SESTD1: variants seen among roughly 807,000 people sequenced by gnomAD.
SESTD1 encodes the protein SEC14 and spectrin domain containing 1, also known as SEC14 domain and spectrin repeat-containing protein 1.
Under a neutral mutation model 101.7 loss-of-function variants are expected in SESTD1, and 43 were observed. The ratio of observed to expected loss-of-function variants is 0.42; its 90% CI spans 0.33 to 0.55. The LOEUF (loss-of-function observed/expected upper bound fraction) is 0.55. Among genes scored for constraint, SESTD1 ranks in the 20% least tolerant of loss-of-function variants. The pLI is 0.07. For synonymous variants in SESTD1, 283 were observed against 286.8 expected (o/e 0.99, Z 0.13); for missense variants, 647 against 815.1 (o/e 0.79, Z 2.51).
rs1367979416 is a variant in SESTD1 at position 179,213,239 on chromosome 2, T to C, written c.-25-21373A>G. On this transcript the variant is annotated intron_variant, in intron 1 of 17. Transcript: ENST00000428443. ...ATGTTCTAACCCATCGCAAGGAAGCTAAAATTCTTGAAAAAACGTTAGACA... is the reference window on the plus strand; with the variant it reads ...ATGTTCTAACCCATCGCAAGGAAGCCAAAATTCTTGAAAAAACGTTAGACA... Among the ~76,000 whole-genome samples the C allele has an allele frequency of 5.2e-5, 7 of 134,520 alleles. 3 individuals carry two copies. The highest frequency in any genetic ancestry group is 2.1e-4 in the African/African-American group (7 of 33,910). 88.3% of individuals were successfully genotyped at this position (134,520 alleles called of 152,430 possible).
At chr2:179,155,241 G>T (rs763014776) in intron 5 of SESTD1, among the ~76,000 whole-genome samples, 5 of 151,972 alleles carry the variant, frequency 3.3e-5, no homozygotes, top group Non-Finnish European at 7.4e-5. Context: ...GGGATCCACA[G>T]AAAGGCTTTC....
At chr2:179,236,528 T>C (rs1455331352) in intron 1 of SESTD1, among the ~76,000 whole-genome samples, 1 of 151,894 alleles carries the variant, frequency 6.6e-6, no homozygotes, top group Non-Finnish European at 1.5e-5. Flanking sequence ...TATATGTACA[T>C]ATACATACAC....
In SESTD1 at chr2:179,183,094, T is replaced by C; in HGVS notation, c.150A>G (p.Leu50=). Residue 50 remains leucine (L), a synonymous_variant, in exon 3 of 18, where the codon CTA becomes CTG. Coordinates refer to ENST00000428443, the MANE Select transcript of SESTD1 (RefSeq NM_178123.5). ...TTTAGAGTCACCTTGGAATGCTGAGTAGGTAGTCTAAGGTGACACTCAGCT... is the reference window on the plus strand; with the variant it reads ...TTTAGAGTCACCTTGGAATGCTGAGCAGGTAGTCTAAGGTGACACTCAGCT... The part of the protein sequence containing the change: ...MDELSVTLDY[L]LSIPSEKCKA... 1 of 1,606,552 alleles carries C rather than the reference T, an allele frequency of 6.2e-7. No individual in the cohort carries two copies. Among genetic ancestry groups the C allele is most frequent in the Non-Finnish European group, 8.5e-7 (1 of 1,176,436 alleles).
At chr2:179,157,337 C>T (rs113603559) in intron 5 of SESTD1, among the ~76,000 whole-genome samples, 8,458 of 152,048 alleles carry the variant, frequency 0.056, 301 homozygotes, top group South Asian at 0.09. Flanking sequence ...CACCAAAATA[C>T]CATCATTCTT....
intron 3 of SESTD1, among the ~76,000 whole-genome samples, chr2:179,177,293 ATT>A (rs2046028609): frequency 6.6e-6 from 1 of 152,166 alleles, no homozygotes; most frequent in African/African-American, 2.4e-5. Flanking sequence ...TATCATTATC[ATT>A]GTTATTATTA....
At position 179,112,789 on chromosome 2, in the gene SESTD1, A is replaced by C; in HGVS notation, c.1896T>G (p.Asp632Glu). 1 of 1,613,340 alleles carries C rather than the reference A, an allele frequency of 6.2e-7. No individual in the cohort carries two copies. The highest frequency in any genetic ancestry group is 8.5e-7 in the Non-Finnish European group (1 of 1,179,990). ...GTGATTTCCCAACTGCTTCAATTTCATCAAATTGCTCCTCATCATTAATAG... is the reference window on the plus strand; with the variant it reads ...GTGATTTCCCAACTGCTTCAATTTCCTCAAATTGCTCCTCATCATTAATAG... Reference protein sequence around the residue: ...PEAINDEEQFDEIEAVGKSLL... With the variant: ...PEAINDEEQFEEIEAVGKSLL... Residue 632 changes from aspartate to glutamate, a missense_variant, in exon 17 of 18, where the codon GAT (aspartate) becomes GAG (glutamate). By Grantham distance (45) the Asp-to-Glu change is conservative (BLOSUM62 2). This residue lies in a region of SESTD1 where 476 missense variants were observed against 562.6 expected (regional missense o/e 0.85). Coordinates refer to ENST00000428443, the MANE Select transcript of SESTD1 (RefSeq NM_178123.5).
chr2:179,259,848 T>C (rs2047457489), intron 1 of SESTD1, among the ~76,000 whole-genome samples: 1 of 152,224 alleles, frequency 6.6e-6, no homozygotes, highest in Admixed American at 6.5e-5. Context: ...TTGTCCACAG[T>C]CACAAGGCTA....
At chr2:179,153,793 T>A (rs1271160813) in intron 5 of SESTD1, among the ~76,000 whole-genome samples, 2 of 152,116 alleles carry the variant, frequency 1.3e-5, no homozygotes, top group African/African-American at 4.8e-5. Flanking sequence ...CGAAAGGACA[T>A]GAAAAGGCTT....
At chr2:179,173,775 G>T (rs910294434) in intron 4 of SESTD1, among the ~76,000 whole-genome samples, 10 of 152,078 alleles carry the variant, frequency 6.6e-5, no homozygotes, top group African/African-American at 2.4e-4. Context: ...ACTCGGTTCT[G>T]TCAGGATAGT....
At chr2:179,169,620 G>A (rs570317907) in intron 5 of SESTD1, among the ~76,000 whole-genome samples, 4 of 152,048 alleles carry the variant, frequency 2.6e-5, no homozygotes, top group African/African-American at 9.7e-5. Flanking sequence ...TCCAACAACA[G>A]AATACTTATT....
rs1388034812 is a variant in SESTD1 at position 179,103,987 on chromosome 2, T to C, written c.*5912A>G. On this transcript the variant is annotated 3_prime_UTR_variant, in exon 18 of 18. Coordinates refer to ENST00000428443, the MANE Select transcript of SESTD1 (RefSeq NM_178123.5). ...TATGTGACAAAGCAAGCATAGGTAA[T>C]GCTAATTAGCATCTAGGTAGTGAGT... 1 of 152,192 alleles carries C rather than the reference T, an allele frequency of 6.6e-6. No individual in the cohort carries two copies. Among genetic ancestry groups the C allele is most frequent in the Non-Finnish European group, 1.5e-5 (1 of 68,008 alleles). 9.4% of individuals were successfully genotyped at this position (152,192 alleles called of 1,614,324 possible).
intron 12 of SESTD1, among the ~76,000 whole-genome samples, chr2:179,123,012 T>C (rs1321403593): frequency 1.3e-5 from 2 of 152,224 alleles, no homozygotes; most frequent in African/African-American, 2.4e-5. Flanking sequence ...GCAACCACTT[T>C]TTACTAGTTC....
intron 1 of SESTD1, among the ~76,000 whole-genome samples, chr2:179,228,817 A>G (rs2046930227): frequency 6.6e-6 from 1 of 152,258 alleles, no homozygotes; most frequent in South Asian, 2.1e-4. Flanking sequence ...AAAGTAGAAA[A>G]CATAAACTCC....
intron 3 of SESTD1, among the ~76,000 whole-genome samples, chr2:179,179,161 T>C (rs1383675831): frequency 6.6e-6 from 1 of 152,226 alleles, no homozygotes; most frequent in East Asian, 1.9e-4. Flanking sequence ...AATGATGGCT[T>C]AAACTGCTTT....
intron 1 of SESTD1, among the ~76,000 whole-genome samples, chr2:179,196,984 A>G (rs1200189053): frequency 3.9e-5 from 6 of 152,238 alleles, no homozygotes; most frequent in Admixed American, 3.9e-4. Flanking sequence ...CTGAGAGAAG[A>G]AGGCTTCAGA....
chr2:179,263,248 A>T (rs1206316097), intron 1 of SESTD1, among the ~76,000 whole-genome samples: 1 of 152,218 alleles, frequency 6.6e-6, no homozygotes, highest in Non-Finnish European at 1.5e-5. Flanking sequence ...GACGTATTTT[A>T]CTGCTCAAAG....
intron 10 of SESTD1, among the ~76,000 whole-genome samples, chr2:179,128,370 C>CA (rs1314081265): frequency 6.6e-6 from 1 of 151,856 alleles, no homozygotes; most frequent in East Asian, 1.9e-4. Flanking sequence ...ATGTGGAGAG[C>CA]AAAAAAATCT....
At chr2:179,259,462 T>C (rs963917633) in intron 1 of SESTD1, among the ~76,000 whole-genome samples, 17 of 152,182 alleles carry the variant, frequency 1.1e-4, no homozygotes, top group African/African-American at 4.1e-4. Flanking sequence ...ACTCCTGACC[T>C]CGTGATCCAC....
intron 1 of SESTD1, among the ~76,000 whole-genome samples, chr2:179,243,899 CTAAAA>C (rs1354865462): frequency 6.7e-6 from 1 of 149,158 alleles, no homozygotes; most frequent in Non-Finnish European, 1.5e-5. Context: ...CCCCATGAAT[CTAAAA>C]TAAAAGTTTA....
Sources: gnomAD v4.1 joint callset for allele counts (sites outside exome capture counted in the v4.1 genomes callset) on GRCh38, gnomAD v4.1.1 for gene constraint, gnomAD v4.1.1 regional missense constraint, MANE v1.5 for transcripts, NCBI Gene and HGNC (gene_info 2026-07-23, HGNC 2026-07-21) for gene names.